CACNA1S: variants seen among roughly 807,000 people sequenced by gnomAD.
CACNA1S encodes calcium voltage-gated channel subunit alpha1 S.
Under a neutral mutation model 207.4 loss-of-function variants are expected in CACNA1S, and 126 were observed. The ratio of observed to expected loss-of-function variants is 0.61; its 90% CI spans 0.53 to 0.70. The LOEUF is 0.70. Ranked by LOEUF, CACNA1S falls within the 30% of genes least tolerant of loss-of-function variation. The pLI, the probability that CACNA1S is intolerant of heterozygous loss-of-function variation, is 0.00. For synonymous variants in CACNA1S, 960 were observed against 932.7 expected (o/e 1.03, Z -0.53); for missense variants, 2,349 against 2,422.8 (o/e 0.97, Z 0.64).
Position 201,051,078 on chromosome 1 carries a change from G to T in CACNA1S, c.4019C>A (p.Pro1340Gln). ...LACSYGKLCD[P>Q]ESDYAPGEEY... Reference sequence around the variant, plus strand: ...CTCCCCTGGGGCATAGTCCGACTCTGGGTCACACAGCTTCCCATAGCTGCA... The same window carrying T: ...CTCCCCTGGGGCATAGTCCGACTCTTGGTCACACAGCTTCCCATAGCTGCA... Residue 1340 changes from proline (P) to glutamine (Q), a missense_variant, in exon 33 of 44, where the codon CCA becomes CAA. Physicochemically the swap from Pro to Gln is moderately conservative, Grantham distance 76. Transcript: ENST00000362061. 6.2e-7 allele frequency: 1 copy of T among 1,614,232 alleles called. No individual in the cohort carries two copies. The highest frequency in any genetic ancestry group is 8.5e-7 in the Non-Finnish European group (1 of 1,180,022).
intron 8 of CACNA1S, among the ~76,000 whole-genome samples, 176 bp from the exon 9 acceptor site, chr1:201,085,207 G>A (rs2102154363): frequency 1.3e-5 from 2 of 152,258 alleles, no homozygotes; most frequent in South Asian, 4.2e-4. Context: ...GAGCTAAAGA[G>A]CCCACTTTAT....
At chr1:201,104,560 C>G (rs1338352340) in intron 2 of CACNA1S, among the ~76,000 whole-genome samples, 1 of 152,236 alleles carries the variant, frequency 6.6e-6, no homozygotes, top group East Asian at 1.9e-4. Flanking sequence ...GGTGTCATAA[C>G]TTCTGCTGCT....
chr1:201,068,641 G>C (rs572609523), intron 19 of CACNA1S, among the ~76,000 whole-genome samples: 1 of 151,884 alleles, frequency 6.6e-6, no homozygotes, highest in Non-Finnish European at 1.5e-5. Context: ...GGGAGGCTGA[G>C]GTGGGCGGAT....
chr1:201,051,173 A>G (rs1660637068), intron 32 of CACNA1S, 30 bp from the exon 33 acceptor site: 7 of 1,613,732 alleles, frequency 4.3e-6, no homozygotes, highest in Non-Finnish European at 5.9e-6. Flanking sequence ...CCTGTCACCT[A>G]TCTGCTCCTG....
chr1:201,104,050 T>C (rs1011224679), intron 2 of CACNA1S, among the ~76,000 whole-genome samples: 1 of 152,246 alleles, frequency 6.6e-6, no homozygotes, highest in African/African-American at 2.4e-5. Flanking sequence ...AAGAAAAATC[T>C]AAATTATCCA....
At chr1:201,083,569 C>T (rs1390176801) in intron 9 of CACNA1S, among the ~76,000 whole-genome samples, 1 of 152,192 alleles carries the variant, frequency 6.6e-6, no homozygotes, top group Admixed American at 6.5e-5. Flanking sequence ...AAATGCTTAG[C>T]ACAAGTGCCT....
chr1:201,065,972 T>A, intron 21 of CACNA1S, 27 bp from the exon 22 acceptor site: 1 of 1,505,686 alleles, frequency 6.6e-7, no homozygotes, highest in Non-Finnish European at 9.2e-7. Context: ...CAATGGGGAC[T>A]GGGGGTGCAC....
In CACNA1S at chr1:201,104,173, A is replaced by G. The variant is rs549394247; in HGVS notation, c.258+5991T>C. On this transcript the variant is annotated intron_variant, in intron 2 of 43. Coordinates refer to ENST00000362061, the MANE Select transcript of CACNA1S (RefSeq NM_000069.3). ...TAATTATCCAGGTCAGGGTTTCTCA[A>G]CCTCAGCCCTAATGATATTTTGGTC... Among the ~76,000 whole-genome samples the G allele has an allele frequency of 2.6e-5, 4 of 152,282 alleles. No individual in the cohort carries two copies. In the East Asian group the frequency reaches 7.7e-4, roughly 29 times the overall value.
At chr1:201,091,860 A>G (rs1410449940) in intron 4 of CACNA1S, 68 bp from the exon 5 acceptor site, 1 of 1,594,636 alleles carries the variant, frequency 6.3e-7, no homozygotes, top group East Asian at 2.3e-5. Context: ...CTCCCTCCCT[A>G]TAAATCCTGG....
intron 3 of CACNA1S, 89 bp downstream of exon 3, chr1:201,093,793 C>T (rs1334083419): frequency 1.2e-5 from 18 of 1,507,992 alleles, no homozygotes; most frequent in Admixed American, 1.2e-4. Context: ...GGAGTCCCAC[C>T]CCACCTCTAA....
chr1:201,100,350 T>C (rs911340763), intron 2 of CACNA1S, among the ~76,000 whole-genome samples: 1 of 152,232 alleles, frequency 6.6e-6, no homozygotes, highest in East Asian at 1.9e-4. Context: ...GCCGGCCTGA[T>C]GTGCTGGCCT....
chr1:201,072,696 C>A, intron 16 of CACNA1S, 59 bp downstream of exon 16: 1 of 1,306,534 alleles, frequency 7.7e-7, no homozygotes, highest in Non-Finnish European at 1.1e-6. Flanking sequence ...GAATTCAGGA[C>A]CGGCACACCC....
At chr1:201,048,763 G>A in intron 35 of CACNA1S, 79 bp from the exon 36 acceptor site, 1 of 1,278,298 alleles carries the variant, frequency 7.8e-7, no homozygotes, top group East Asian at 2.3e-5. Flanking sequence ...CCGGTCTGTG[G>A]ACCGGGAGGG....
chr1:201,047,331 T>G, intron 37 of CACNA1S, 92 bp from the exon 38 acceptor site: 1 of 1,549,890 alleles, frequency 6.5e-7, no homozygotes, highest in Admixed American at 1.7e-5. Flanking sequence ...GGCCCGGGCA[T>G]GCAAGCAATC....
intron 10 of CACNA1S, among the ~76,000 whole-genome samples, chr1:201,078,735 C>T (rs778241717): frequency 6.6e-6 from 1 of 152,104 alleles, no homozygotes; most frequent in Non-Finnish European, 1.5e-5. Flanking sequence ...TTGCCCCCTC[C>T]CCCTTTTCGG....
chr1:201,102,373 C>CGGA (rs2102179696), intron 2 of CACNA1S, among the ~76,000 whole-genome samples: 1 of 152,132 alleles, frequency 6.6e-6, no homozygotes, highest in Non-Finnish European at 1.5e-5. Flanking sequence ...GGGTACAGGC[C>CGGA]GGAAACAACG....
intron 2 of CACNA1S, among the ~76,000 whole-genome samples, chr1:201,096,270 T>C (rs2102171035): frequency 6.6e-6 from 1 of 152,288 alleles, no homozygotes; most frequent in South Asian, 2.1e-4. Flanking sequence ...TGCCTGGAAT[T>C]AAAACTCAGT....
chr1:201,077,923 G>C lies in CACNA1S; in HGVS notation c.1575C>G (p.Ser525=), dbSNP rs771788360. 21 of 1,614,102 alleles carry C rather than the reference G, an allele frequency of 1.3e-5. No individual in the cohort carries two copies. Among genetic ancestry groups the C allele is most frequent in the Non-Finnish European group, 1.7e-5 (20 of 1,179,946 alleles). ...ESGAMTPLGI[S]VLRCIRLLRI... ...TCAGGAGGCGGATGCAGCGGAGCAC[G>C]GAGATGCCCAGGGGTGTCATGGCAC... is the stretch of plus-strand genomic sequence containing the variant. Residue 525 remains serine (S), a synonymous_variant, in exon 11 of 44, where the codon TCC becomes TCG. Coordinates refer to ENST00000362061, the MANE Select transcript of CACNA1S (RefSeq NM_000069.3).
chr1:201,075,543 C>G lies in CACNA1S; in HGVS notation c.1900G>C (p.Gly634Arg), dbSNP rs1490640234. The G allele has an allele frequency of 1.9e-6, 3 of 1,614,126 alleles. No individual in the cohort carries two copies. In the South Asian group the frequency reaches 3.3e-5, roughly 18 times the overall value. The change falls in exon 13 of 44, where the codon GGC becomes CGC. Residue 634 changes from glycine (G) to arginine (R), a missense_variant. Gly to Arg is a moderately radical substitution (Grantham distance 125). Coordinates refer to ENST00000362061, the MANE Select transcript of CACNA1S (RefSeq NM_000069.3). ...IMAYGGPSYP[G>R]MLVCIYFIIL... ...ATGAAGTAAATGCACACAAGCATGC[C>G]AGGGTAGGACGGCCCGCCGTAGGCC...
Sources: allele counts gnomAD v4.1 joint callset (sites outside exome capture counted in the v4.1 genomes callset), GRCh38; gene constraint gnomAD v4.1.1; transcripts MANE v1.5; gene names NCBI Gene and HGNC (gene_info 2026-07-23, HGNC 2026-07-21).